TIAM2: variants seen among roughly 807,000 people sequenced by gnomAD.
TIAM2 encodes the protein rho guanine nucleotide exchange factor TIAM2.
TIAM2 carries 80 observed loss-of-function variants against 152.9 expected under a neutral mutation model. That is an observed-to-expected ratio of 0.52 (90% CI 0.44 to 0.63). The LOEUF is 0.63. TIAM2 is among the 30% of genes least tolerant of loss of function. The pLI, the probability that TIAM2 is intolerant of heterozygous loss-of-function variation, is 0.00. For missense variants in TIAM2, 1,965 were observed against 2,120.1 expected (o/e 0.93, Z 1.44); for synonymous variants, 804 against 838.0 (o/e 0.96, Z 0.70).
intron 1 of TIAM2, among the ~76,000 whole-genome samples, chr6:155,066,185 CCAAAGGGCTGGG>C: frequency 2.5e-5 from 1 of 40,072 alleles, no homozygotes; most frequent in Non-Finnish European, 6.4e-5. Context: ...CTTTGGCCTC[CCAAAGGGCTGGG>C]ATTACAGGCA....
chr6:155,060,398 G>A lies in TIAM2; in HGVS notation c.-208-29891G>A, dbSNP rs905779300. Among the ~76,000 whole-genome samples, 6 of 152,046 alleles carry A rather than the reference G, an allele frequency of 3.9e-5. No individual in the cohort carries two copies. In the East Asian group the frequency reaches 5.8e-4, roughly 15 times the overall value. ...GTCTAGGCAACAAGAGCGAAACTCC[G>A]TCTCAAAAAACAAACAAATAAAAAA... On this transcript the variant is annotated intron_variant, in intron 1 of 26. Coordinates refer to ENST00000682666, the MANE Select transcript of TIAM2 (RefSeq NM_012454.4).
At chr6:155,205,846 GCAAAACC>G (rs1781583148) in intron 14 of TIAM2, among the ~76,000 whole-genome samples, 1 of 152,174 alleles carries the variant, frequency 6.6e-6, no homozygotes, top group Non-Finnish European at 1.5e-5. Context: ...AAAAGAAATG[GCAAAACC>G]CACACGTTTG....
intron 7 of TIAM2, among the ~76,000 whole-genome samples, chr6:155,153,620 G>GGT (rs1780029472): frequency 2.2e-5 from 2 of 91,928 alleles, no homozygotes; most frequent in African/African-American, 7.2e-5. Flanking sequence ...AGCTGTTTAC[G>GGT]CTTTTTTTTT....
At position 155,029,421 on chromosome 6, in the gene TIAM2, ATATACTATAGT is replaced by A. The variant is rs1776749167; in HGVS notation, c.-209+33930_-209+33940del. 4.7e-5 allele frequency among the ~76,000 whole-genome samples: 4 copies of A among 84,872 alleles called. No individual in the cohort carries two copies. In the East Asian group the frequency reaches 1.3e-3, roughly 27 times the overall value. 55.7% of individuals were successfully genotyped at this position (84,872 alleles called of 152,430 possible). ...CTATAGTATATATAATATATACTAT[ATATACTATAGT>A]ATATATTATACTATAGTATATATTA... On this transcript the variant is annotated intron_variant, in intron 1 of 26. Coordinates refer to ENST00000682666, the MANE Select transcript of TIAM2 (RefSeq NM_012454.4).
chr6:155,021,282 A>T (rs1362195915), intron 1 of TIAM2, among the ~76,000 whole-genome samples: 1 of 151,888 alleles, frequency 6.6e-6, no homozygotes, highest in Non-Finnish European at 1.5e-5. Context: ...TTTTTTTGAG[A>T]TGGAGTTTCG....
At chr6:155,097,690 T>G (rs11156010) in intron 2 of TIAM2, among the ~76,000 whole-genome samples, 93,128 of 152,050 alleles carry the variant, frequency 0.61, 30,181 homozygotes, top group African/African-American at 0.81. Context: ...TTTCTGCTTT[T>G]ATGCCTGTGC....
chr6:155,049,098 G>C (rs1315890780), intron 1 of TIAM2, among the ~76,000 whole-genome samples: 1 of 152,120 alleles, frequency 6.6e-6, no homozygotes, highest in African/African-American at 2.4e-5. Context: ...ACCATGCCCA[G>C]CCTTAATCCA....
rs1256056360 is a variant in TIAM2, at chr6:155,186,640, T to C, written c.3064+3140T>C. On this transcript the variant is annotated intron_variant, in intron 14 of 26. Coordinates refer to ENST00000682666, the MANE Select transcript of TIAM2 (RefSeq NM_012454.4). This position sits in a 1 kb window ranked among gnomAD's most constrained non-coding sequence, Gnocchi z 4.5. The stretch of plus-strand genomic sequence containing the variant: ...TGGCATGTTCAGCCCAGCGTTTCAC[T>C]TGGCAGGAATTCTGAAAACGTGCTT... 6.6e-6 allele frequency among the ~76,000 whole-genome samples: 1 copy of C among 152,178 alleles called. No homozygotes were observed. The highest frequency in any genetic ancestry group is 2.4e-5 in the African/African-American group (1 of 41,436).
At chr6:155,233,576 C>T (rs1175740181) in intron 15 of TIAM2, among the ~76,000 whole-genome samples, 6 of 152,136 alleles carry the variant, frequency 3.9e-5, no homozygotes, top group African/African-American at 1.4e-4. Flanking sequence ...ACTGCTTAGA[C>T]GTCTGCCTGA....
intron 1 of TIAM2, among the ~76,000 whole-genome samples, chr6:155,002,012 G>T (rs939455853): frequency 6.6e-6 from 1 of 152,184 alleles, no homozygotes; most frequent in Non-Finnish European, 1.5e-5. Context: ...TATTGTTGTT[G>T]TCTAGTAAAG....
chr6:155,240,596 C>A lies in TIAM2; in HGVS notation c.3235C>A (p.Pro1079Thr). 1 of 1,614,160 alleles carries A rather than the reference C, an allele frequency of 6.2e-7. No homozygotes were observed. ...CAGTCAGGCCAACGGCATGGAAGGA[C>A]CGCGGGAGAATCAGGATCCTCCTCC... ...NDSQANGMEG[P>T]RENQDPPPRS... The change falls in exon 16 of 27, where the codon CCG becomes ACG. Residue 1079 changes from proline to threonine, a missense_variant. By Grantham distance (38) the Pro-to-Thr change is conservative (BLOSUM62 -1). Coordinates refer to ENST00000682666, the MANE Select transcript of TIAM2 (RefSeq NM_012454.4).
chr6:155,039,132 C>A (rs897666203), intron 1 of TIAM2, among the ~76,000 whole-genome samples: 1 of 151,582 alleles, frequency 6.6e-6, no homozygotes, highest in Non-Finnish European at 1.5e-5. Context: ...GGCTAACTTT[C>A]ATTTTTTTGT....
intron 15 of TIAM2, among the ~76,000 whole-genome samples, chr6:155,222,229 C>T (rs1185186005): frequency 6.6e-6 from 1 of 151,944 alleles, no homozygotes; most frequent in Non-Finnish European, 1.5e-5. Context: ...GTTGGGATTA[C>T]AGGCGTGAGC....
intron 2 of TIAM2, among the ~76,000 whole-genome samples, chr6:155,098,816 CT>C (rs1374264204): frequency 5.9e-5 from 9 of 152,192 alleles, no homozygotes; most frequent in Admixed American, 3.9e-4. Flanking sequence ...TATTTGCACT[CT>C]TGTGAAAGTA....
chr6:155,062,445 G>A (rs575624213), intron 1 of TIAM2, among the ~76,000 whole-genome samples: 2 of 152,106 alleles, frequency 1.3e-5, no homozygotes, highest in Non-Finnish European at 1.5e-5. Context: ...GTATTATTTT[G>A]TATTCACATC....
intron 15 of TIAM2, among the ~76,000 whole-genome samples, chr6:155,230,739 T>C (rs1390077878): frequency 6.6e-6 from 1 of 152,186 alleles, no homozygotes; most frequent in Non-Finnish European, 1.5e-5. Flanking sequence ...GCATTTATTA[T>C]ACATGTAGTT....
chr6:155,043,727 T>C (rs1393324025), intron 1 of TIAM2, among the ~76,000 whole-genome samples: 1 of 151,754 alleles, frequency 6.6e-6, no homozygotes, highest in East Asian at 1.9e-4. Context: ...CTCCCAGTGA[T>C]TCTGCCATGC....
At chr6:155,140,030 GATGTGGCTGAAAAGGTAA>G (rs1484674378) in intron 5 of TIAM2, among the ~76,000 whole-genome samples, 1 of 152,216 alleles carries the variant, frequency 6.6e-6, no homozygotes, top group African/African-American at 2.4e-5. Flanking sequence ...TTTCCAAGTT[GATGTGGCTGAAAAGGTAA>G]ATGTGATTTC....
intron 15 of TIAM2, among the ~76,000 whole-genome samples, chr6:155,220,208 G>C (rs1781994932): frequency 6.6e-6 from 1 of 152,244 alleles, no homozygotes; most frequent in African/African-American, 2.4e-5. Flanking sequence ...TGCCTGATGA[G>C]TCCTCAGCTG....
Sources: allele counts gnomAD v4.1 joint callset (sites outside exome capture counted in the v4.1 genomes callset), GRCh38; gene constraint gnomAD v4.1.1; non-coding constraint Gnocchi (gnomAD v3.1); transcripts MANE v1.5; gene names NCBI Gene and HGNC (gene_info 2026-07-23, HGNC 2026-07-21).